Variants in PCDHGA7 observed in about 807,000 individuals in gnomAD.
The protein encoded by PCDHGA7 is protocadherin gamma-A7.
In PCDHGA7, 44 loss-of-function variants were observed where a neutral mutation model predicts 58.3. The ratio of observed to expected loss-of-function variants is 0.75; its 90% CI spans 0.59 to 0.97. The LOEUF (loss-of-function observed/expected upper bound fraction) is 0.97, where lower values mean the gene tolerates loss of function less well. Ranked by LOEUF, PCDHGA7 falls within the 50% of genes least tolerant of loss-of-function variation. PCDHGA7 has a pLI of 0.00. For missense variants in PCDHGA7, 1,266 were observed against 1,188.7 expected, an observed-to-expected ratio of 1.06 and a Z score of -0.96; for synonymous variants, 516 against 504.2, an observed-to-expected ratio of 1.02 and a Z score of -0.31.
intron 1 of PCDHGA7, among the ~76,000 whole-genome samples, chr5:141,473,057 A>G (rs2099313037): frequency 2.6e-5 from 4 of 152,056 alleles, no homozygotes; most frequent in Non-Finnish European, 5.9e-5. Flanking sequence ...AAGTGATACA[A>G]CAAGTTACAG....
chr5:141,388,335 C>A (rs67622091), intron 1 of PCDHGA7: 89,774 of 1,613,756 alleles, frequency 0.056, 3,043 homozygotes, highest in African/African-American at 0.15. Context: ...GCCTGGCACA[C>A]GATTTATATT....
At chr5:141,389,988 C>G in intron 1 of PCDHGA7, 1 of 1,614,036 alleles carries the variant, frequency 6.2e-7, no homozygotes, top group South Asian at 1.1e-5. Context: ...AGTGCTCTTC[C>G]TCGTGGCCAT....
At position 141,431,413 on chromosome 5, in the gene PCDHGA7, C is replaced by A; in HGVS notation, c.2424+46090C>A. ...TGGTCCTTACGGCCTCCGACGGGGG[C>A]GACCCGGTGCGCACAGGCACCGCGC... On this transcript the variant is annotated intron_variant, in intron 1 of 3. Transcript: ENST00000518325. This position sits in a 1 kb window ranked among gnomAD's most constrained non-coding sequence, Gnocchi z 4.8. The A allele has an allele frequency of 6.2e-7, 1 of 1,613,682 alleles. No homozygotes were observed. Among genetic ancestry groups the A allele is most frequent in the Non-Finnish European group, 8.5e-7 (1 of 1,180,044 alleles).
intron 1 of PCDHGA7, chr5:141,417,977 G>T (rs752463782): frequency 1.2e-6 from 2 of 1,613,872 alleles, no homozygotes; most frequent in South Asian, 2.2e-5. Context: ...GATTCCGGAG[G>T]AGCTGGCCAA....
chr5:141,498,002 C>T (rs1442305270), intron 2 of PCDHGA7, among the ~76,000 whole-genome samples: 2 of 152,178 alleles, frequency 1.3e-5, no homozygotes, highest in East Asian at 1.9e-4. Flanking sequence ...AAGGAGTTTA[C>T]AGTGCACTGA....
chr5:141,413,077 G>A (rs2095603422), intron 1 of PCDHGA7: 1 of 1,287,542 alleles, frequency 7.8e-7, no homozygotes, highest in African/African-American at 1.5e-5. Context: ...AAGTGCCCAG[G>A]CTACAGAGAC....
At chr5:141,483,425 G>A (rs1460083757) in intron 1 of PCDHGA7, among the ~76,000 whole-genome samples, 1 of 152,116 alleles carries the variant, frequency 6.6e-6, no homozygotes, top group Non-Finnish European at 1.5e-5. Flanking sequence ...ACAGATGGAG[G>A]GAGCTGACTA....
At chr5:141,408,211 G>C in intron 1 of PCDHGA7, 1 of 1,554,426 alleles carries the variant, frequency 6.4e-7, no homozygotes, top group Non-Finnish European at 8.7e-7. Context: ...CGATGGGAGG[G>C]AGCTGCGCGC....
intron 1 of PCDHGA7, among the ~76,000 whole-genome samples, chr5:141,425,003 T>C (rs75915888): frequency 0.036 from 5,431 of 152,274 alleles, 181 homozygotes; most frequent in African/African-American, 0.084. Context: ...AGTTTAGTTT[T>C]CTCATTTAGG....
At chr5:141,408,851 G>A in intron 1 of PCDHGA7, 1 of 1,613,574 alleles carries the variant, frequency 6.2e-7, no homozygotes, top group Non-Finnish European at 8.5e-7. Context: ...TGCCTTGGAC[G>A]GAGGGGACCC....
Position 141,486,775 on chromosome 5 carries a change from G to A in PCDHGA7, c.2425-8032G>A, listed in dbSNP as rs2099634725. On this transcript the variant is annotated intron_variant, in intron 1 of 3. Coordinates refer to ENST00000518325, the MANE Select transcript of PCDHGA7 (RefSeq NM_018920.4). This position sits in a 1 kb window ranked among gnomAD's most constrained non-coding sequence, Gnocchi z 5.0. ...AGCAAACCCAGACACTGCAGTTTGA[G>A]GTGCAGGCCCGGGATCGGGGCAACC... 7 of 1,614,122 alleles carry A rather than the reference G, an allele frequency of 4.3e-6. No individual in the cohort carries two copies. Among genetic ancestry groups the A allele is most frequent in the Non-Finnish European group, 5.9e-6 (7 of 1,180,060 alleles).
Position 141,414,566 on chromosome 5 carries a change from A to G in PCDHGA7, c.2424+29243A>G, listed in dbSNP as rs375828619. The stretch of plus-strand genomic sequence containing the variant: ...TTCTCTCAAGTCTCCTACTTTACCT[A>G]TATCCCAGAGAACAACGCCAGGGGT... On this transcript the variant is annotated intron_variant, in intron 1 of 3. Coordinates refer to ENST00000518325, the MANE Select transcript of PCDHGA7 (RefSeq NM_018920.4). The G allele has an allele frequency of 6.6e-5, 106 of 1,613,800 alleles. No homozygotes were observed. Among genetic ancestry groups the G allele is most frequent in the Non-Finnish European group, 8.4e-5 (99 of 1,179,878 alleles).
intron 1 of PCDHGA7, among the ~76,000 whole-genome samples, chr5:141,434,860 A>G (rs2097723622): frequency 6.6e-6 from 1 of 151,982 alleles, no homozygotes; most frequent in African/African-American, 2.4e-5. Flanking sequence ...ATAAATTTAT[A>G]TATATGTGAC....
chr5:141,388,712 G>C (rs1345089798), intron 1 of PCDHGA7: 6 of 1,613,868 alleles, frequency 3.7e-6, no homozygotes, highest in Non-Finnish European at 5.1e-6. Flanking sequence ...TCAATGCCGA[G>C]ATTACTTTCT....
intron 1 of PCDHGA7, chr5:141,395,373 G>A (rs2150613921): frequency 1.7e-6 from 2 of 1,189,412 alleles, no homozygotes; most frequent in African/African-American, 3.1e-5. Context: ...TATTTTGGTG[G>A]TGTTACTATA....
At position 141,489,090 on chromosome 5, in the gene PCDHGA7, C is replaced by A; in HGVS notation, c.2425-5717C>A. On this transcript the variant is annotated intron_variant, in intron 1 of 3. Transcript: ENST00000518325. The surrounding 1 kb of genome is among the most constrained non-coding windows in gnomAD (Gnocchi z 4.5). Reference sequence around the variant, plus strand: ...CCTGCCCACCCCCGCCACTCGGTGACTAAGAACTGCTGCAAGCAGGCAAAC... The same window carrying A: ...CCTGCCCACCCCCGCCACTCGGTGAATAAGAACTGCTGCAAGCAGGCAAAC... The A allele has an allele frequency of 1.5e-5, 5 of 328,802 alleles. No individual in the cohort carries two copies. The highest frequency in any genetic ancestry group is 4.8e-5 in the East Asian group (1 of 20,928). 20.4% of individuals were successfully genotyped at this position (328,802 alleles called of 1,614,324 possible).
chr5:141,384,046 A>T lies in PCDHGA7; in HGVS notation c.1147A>T (p.Thr383Ser), dbSNP rs372405767. Residue 383 changes from threonine (T) to serine (S), a missense_variant, in exon 1 of 4, where the codon ACC (threonine) becomes TCC (serine). Physicochemically the swap from Thr to Ser is moderately conservative, Grantham distance 58. Coordinates refer to ENST00000518325, the MANE Select transcript of PCDHGA7 (RefSeq NM_018920.4). ...DRDSGKNGEV[T>S]CTIPENLPFK... The stretch of plus-strand genomic sequence containing the variant: ...AGATTCTGGAAAGAATGGTGAGGTG[A>T]CCTGCACCATTCCAGAAAACCTACC... 1 of 1,612,316 alleles carries T rather than the reference A, an allele frequency of 6.2e-7. No individual in the cohort carries two copies. The highest frequency in any genetic ancestry group is 1.7e-5 in the Admixed American group (1 of 59,808).
chr5:141,427,973 C>T (rs754410723), intron 1 of PCDHGA7: 3 of 1,594,054 alleles, frequency 1.9e-6, no homozygotes, highest in Non-Finnish European at 2.6e-6. Context: ...TGCTGTACCC[C>T]GCGCTGGGGC....
chr5:141,502,308 C>T (rs928137926), intron 2 of PCDHGA7, among the ~76,000 whole-genome samples: 2 of 151,586 alleles, frequency 1.3e-5, no homozygotes, highest in Non-Finnish European at 2.9e-5. Flanking sequence ...CTTTCCTCTC[C>T]TTTAATCTGG....
Sources: allele counts gnomAD v4.1 joint callset (sites outside exome capture counted in the v4.1 genomes callset), GRCh38; gene constraint gnomAD v4.1.1; non-coding constraint Gnocchi (gnomAD v3.1); transcripts MANE v1.5; gene names NCBI Gene and HGNC (gene_info 2026-07-23, HGNC 2026-07-21).